XRN1: variants seen among roughly 807,000 people sequenced by gnomAD.
XRN1 encodes strand-exchange protein 1 homolog.
Under a neutral mutation model 222.3 loss-of-function variants are expected in XRN1, and 67 were observed. The observed-to-expected ratio is 0.30, with a 90% CI of 0.25 to 0.37. XRN1 has a LOEUF of 0.37. Among genes scored for constraint, XRN1 ranks in the 10% least tolerant of loss-of-function variants. The pLI, the probability that XRN1 is intolerant of heterozygous loss-of-function variation, is 1.00. For missense variants in XRN1, 1,707 were observed against 2,000.2 expected (o/e 0.85, Z 2.80); for synonymous variants, 643 against 652.4 (o/e 0.99, Z 0.22).
rs372107751 is a variant in XRN1, at chr3:142,325,746, A to G, written c.4404+3688T>C. On this transcript the variant is annotated intron_variant, in intron 37 of 40. Coordinates refer to ENST00000392981, the MANE Select transcript of XRN1 (RefSeq NM_001282857.2). ...TGTCTTACTTATCTTTGCCCAAATC[A>G]ATGTACTGGAGTGTTTCCCCAGTGT... Among the ~76,000 whole-genome samples the G allele has an allele frequency of 2.0e-5, 3 of 152,258 alleles. No individual in the cohort carries two copies. The East Asian group carries it at 5.8e-4, about 29-fold the overall frequency.
intron 20 of XRN1, among the ~76,000 whole-genome samples, chr3:142,389,687 T>C (rs2067644594): frequency 6.6e-6 from 1 of 152,124 alleles, no homozygotes; most frequent in Admixed American, 6.6e-5. Context: ...GCTCAGCTAA[T>C]TTTTGTATTT....
intron 33 of XRN1, among the ~76,000 whole-genome samples, 172 bp from the exon 34 acceptor site, chr3:142,335,681 A>G (rs542694606): frequency 1.3e-5 from 2 of 152,182 alleles, no homozygotes; most frequent in Admixed American, 6.5e-5. Flanking sequence ...AGACACTTAG[A>G]TAATAATAGA....
intron 33 of XRN1, among the ~76,000 whole-genome samples, chr3:142,342,168 T>A (rs945349210): frequency 5.3e-5 from 8 of 151,994 alleles, no homozygotes; most frequent in African/African-American, 1.9e-4. Flanking sequence ...CGGCAAACAA[T>A]CTGAAAAAGA....
intron 1 of XRN1, among the ~76,000 whole-genome samples, chr3:142,440,792 T>C (rs2070169701): frequency 1.3e-5 from 2 of 152,282 alleles, no homozygotes; most frequent in East Asian, 1.9e-4. Context: ...ACCTTAAGGA[T>C]GCCTTTTTCT....
chr3:142,339,433 T>G (rs1298453360), intron 33 of XRN1, among the ~76,000 whole-genome samples: 1 of 152,144 alleles, frequency 6.6e-6, no homozygotes, highest in Non-Finnish European at 1.5e-5. Context: ...TTTCAAATAC[T>G]TGGAAAGTGT....
intron 29 of XRN1, 92 bp downstream of exon 29, chr3:142,364,955 C>T (rs535334361): frequency 8.4e-6 from 11 of 1,307,966 alleles, no homozygotes; most frequent in Non-Finnish European, 1.1e-5. Flanking sequence ...GATTTATAGT[C>T]ACTTTCTGGT....
chr3:142,417,146 C>T lies in XRN1; in HGVS notation c.1430G>A (p.Trp477Ter). ...TTTGTTTTTATTCTCTCACCAGCTC[C>T]AGGACTGAACTCCATGATAGTAATA... ...LHYYYHGVQS[W>*]SWYYPYHYAP... Residue 477 changes from tryptophan to a stop codon, truncating the protein, a stop_gained, in exon 13 of 41, where the codon TGG (tryptophan) becomes TAG (stop). Coordinates refer to ENST00000392981, the MANE Select transcript of XRN1 (RefSeq NM_001282857.2). LOFTEE classifies it high-confidence loss of function. The T allele has an allele frequency of 6.2e-7, 1 of 1,611,510 alleles. No homozygotes were observed. Among genetic ancestry groups the T allele is most frequent in the Non-Finnish European group, 8.5e-7 (1 of 1,178,508 alleles).
rs201555156 is a variant in XRN1 at position 142,422,574 on chromosome 3, C to A, written c.967+8G>T. ...AGTATCCTCGAGAGATTATTAAATT[C>A]TTCTTACCCCCAAGTTCTGGCAGGA... On this transcript the variant is annotated splice_region_variant and intron_variant, in intron 8 of 40. Coordinates refer to ENST00000392981, the MANE Select transcript of XRN1 (RefSeq NM_001282857.2). 1 of 1,611,764 alleles carries A rather than the reference C, an allele frequency of 6.2e-7. No homozygotes were observed. The highest frequency in any genetic ancestry group is 8.5e-7 in the Non-Finnish European group (1 of 1,178,870).
intron 27 of XRN1, 46 bp downstream of exon 27, chr3:142,370,439 T>G: frequency 6.4e-7 from 1 of 1,570,328 alleles, no homozygotes; most frequent in Non-Finnish European, 8.6e-7. Context: ...TATAGTCCAT[T>G]TAATTCCAAA....
intron 34 of XRN1, among the ~76,000 whole-genome samples, chr3:142,333,346 C>T (rs2065757647): frequency 6.6e-6 from 1 of 152,060 alleles, no homozygotes; most frequent in African/African-American, 2.4e-5. Flanking sequence ...ATTTGGCAGG[C>T]CCTTCTAAAG....
At chr3:142,339,116 C>T (rs527981252) in intron 33 of XRN1, among the ~76,000 whole-genome samples, 5 of 152,222 alleles carry the variant, frequency 3.3e-5, no homozygotes, top group South Asian at 4.1e-4. Flanking sequence ...CCAGGTATGG[C>T]GGGCTGTGGG....
intron 3 of XRN1, among the ~76,000 whole-genome samples, chr3:142,425,833 A>C (rs143178790): frequency 6.6e-6 from 1 of 152,194 alleles, no homozygotes; most frequent in Admixed American, 6.5e-5. Flanking sequence ...ATTTTCATGT[A>C]AGGGCAGAGT....
intron 27 of XRN1, 140 bp from the exon 28 acceptor site, chr3:142,365,506 G>T: frequency 1.8e-6 from 1 of 554,212 alleles, no homozygotes; most frequent in Non-Finnish European, 2.8e-6. Flanking sequence ...TTCTGCAGCT[G>T]CAGCAAGAAG....
chr3:142,363,444 A>G lies in XRN1; in HGVS notation c.3394+1603T>C, dbSNP rs115371773. On this transcript the variant is annotated intron_variant, in intron 29 of 40. Coordinates refer to ENST00000392981, the MANE Select transcript of XRN1 (RefSeq NM_001282857.2). ...AAATTATCCTGGCACATTGTTGTAAAATCAATTGACCATACAGGTTTGGGT... is the reference window on the plus strand; with the variant it reads ...AAATTATCCTGGCACATTGTTGTAAGATCAATTGACCATACAGGTTTGGGT... 6.5e-4 allele frequency among the ~76,000 whole-genome samples: 99 copies of G among 152,324 alleles called. 2 individuals are homozygous for G. Among genetic ancestry groups the G allele is most frequent in the African/African-American group, 2.3e-3 (95 of 41,578 alleles).
intron 32 of XRN1, 95 bp downstream of exon 32, chr3:142,355,301 TATGAG>T: frequency 1.8e-6 from 1 of 569,668 alleles, no homozygotes; most frequent in Non-Finnish European, 2.8e-6. Flanking sequence ...TTTTCTATTT[TATGAG>T]ATGTCACAGA....
At chr3:142,368,390 C>A (rs1054534454) in intron 27 of XRN1, among the ~76,000 whole-genome samples, 1 of 152,244 alleles carries the variant, frequency 6.6e-6, no homozygotes, top group Non-Finnish European at 1.5e-5. Context: ...CTCAGGTGAT[C>A]CACCCGCCTT....
chr3:142,441,220 G>A (rs1335924977), intron 1 of XRN1, among the ~76,000 whole-genome samples: 1 of 152,192 alleles, frequency 6.6e-6, no homozygotes, highest in African/African-American at 2.4e-5. Context: ...GCAACTAAGA[G>A]GGTTCCTTGG....
chr3:142,333,646 G>C (rs1468165426), intron 34 of XRN1, among the ~76,000 whole-genome samples: 2 of 152,034 alleles, frequency 1.3e-5, no homozygotes, highest in African/African-American at 2.4e-5. Context: ...ACTCCTAATG[G>C]GATCATATTA....
At chr3:142,352,288 A>G (rs2066330727) in intron 32 of XRN1, among the ~76,000 whole-genome samples, 2 of 152,232 alleles carry the variant, frequency 1.3e-5, no homozygotes, top group Non-Finnish European at 2.9e-5. Context: ...TATACCCTGA[A>G]GCAGTGTGGT....
Sources: gnomAD v4.1 joint callset for allele counts (sites outside exome capture counted in the v4.1 genomes callset) on GRCh38, gnomAD v4.1.1 for gene constraint, MANE v1.5 for transcripts, NCBI Gene and HGNC (gene_info 2026-07-23, HGNC 2026-07-21) for gene names.